The following SPPL3 variants were observed in gnomAD, a reference collection of about 807,000 sequenced individuals.
SPPL3 encodes signal peptide peptidase like 3.
SPPL3 carries 5 observed loss-of-function variants against 42.4 expected under a neutral mutation model. That is an observed-to-expected ratio of 0.12 (90% CI 0.06 to 0.25). The LOEUF (loss-of-function observed/expected upper bound fraction) is 0.25, where lower values mean the gene tolerates loss of function less well. SPPL3 is among the 10% of genes least tolerant of loss of function. The probability of loss-of-function intolerance (pLI) is 1.00; values close to 1 mark genes in which losing one functional copy is unlikely to be tolerated. For synonymous variants in SPPL3, 195 were observed against 181.8 expected, an observed-to-expected ratio of 1.07 and a Z score of -0.58; for missense variants, 235 against 489.0, an observed-to-expected ratio of 0.48 and a Z score of 4.90.
In SPPL3 at chr12:120,903,849, A is replaced by C; in HGVS notation, c.19T>G (p.Ser7Ala). Reference protein sequence around the residue: MAEQTYSWAYSLVDSSQ... With the variant: MAEQTYAWAYSLVDSSQ... ...CTCCCGGAGCCCCGCACTCACCACGAGTAGGTCTGCTCCGCCATGGCGCTG... is the reference window on the plus strand; with the variant it reads ...CTCCCGGAGCCCCGCACTCACCACGCGTAGGTCTGCTCCGCCATGGCGCTG... The change falls in exon 1 of 11, where the codon TCG becomes GCG. Residue 7 changes from serine (S) to alanine (A), a missense_variant. This residue lies in a region of SPPL3 where 110 missense variants were observed against 186.2 expected (regional missense o/e 0.59). Transcript: ENST00000353487. The C allele has an allele frequency of 1.4e-6, 2 of 1,466,272 alleles. No homozygotes were observed. Among genetic ancestry groups the C allele is most frequent in the Non-Finnish European group, 1.8e-6 (2 of 1,114,124 alleles). 90.8% of individuals were successfully genotyped at this position (1,466,272 alleles called of 1,614,324 possible).
rs951637440 is a variant in SPPL3 at position 120,764,306 on chromosome 12, C to T, written c.*693G>A. The stretch of plus-strand genomic sequence containing the variant: ...TTCATTTTTGTTTATTCATATATAT[C>T]TATGTGTGTGTTTATATATATATAT... On this transcript the variant is annotated 3_prime_UTR_variant, in exon 11 of 11. Coordinates refer to ENST00000353487, the MANE Select transcript of SPPL3 (RefSeq NM_139015.5). 3.4e-5 allele frequency: 5 copies of T among 147,064 alleles called. No homozygotes were observed. Among genetic ancestry groups the T allele is most frequent in the Admixed American group, 6.6e-5 (1 of 15,038 alleles). 9.1% of individuals were successfully genotyped at this position (147,064 alleles called of 1,614,324 possible).
At chr12:120,831,673 A>C (rs1190929973) in intron 1 of SPPL3, among the ~76,000 whole-genome samples, 1 of 152,094 alleles carries the variant, frequency 6.6e-6, no homozygotes, top group African/African-American at 2.4e-5. Context: ...CAAAACATGA[A>C]TTGCTTCTCT....
At chr12:120,836,709 C>T (rs1871632813) in intron 1 of SPPL3, among the ~76,000 whole-genome samples, 1 of 152,176 alleles carries the variant, frequency 6.6e-6, no homozygotes, top group Non-Finnish European at 1.5e-5. Flanking sequence ...GTGGGATATG[C>T]TTACAAAAGG....
intron 1 of SPPL3, among the ~76,000 whole-genome samples, chr12:120,819,556 C>A (rs555364967): frequency 1.3e-4 from 20 of 152,190 alleles, no homozygotes; most frequent in African/African-American, 4.8e-4. Flanking sequence ...AAACTATCTG[C>A]CAAATATGCC....
intron 2 of SPPL3, among the ~76,000 whole-genome samples, chr12:120,802,654 G>A (rs1870357317): frequency 6.6e-6 from 1 of 151,612 alleles, no homozygotes; most frequent in Non-Finnish European, 1.5e-5. Flanking sequence ...GGCTGGTCTT[G>A]GAACTCCTGA....
intron 1 of SPPL3, among the ~76,000 whole-genome samples, chr12:120,825,116 A>C (rs1268240890): frequency 6.6e-6 from 1 of 152,102 alleles, no homozygotes. Flanking sequence ...CTAACACCTT[A>C]AACTCATTTA....
At chr12:120,768,639 C>T in intron 7 of SPPL3, 151 bp from the exon 8 acceptor site, 1 of 965,512 alleles carries the variant, frequency 1.0e-6, no homozygotes, top group Non-Finnish European at 1.5e-6. Context: ...TTTGCTCTTC[C>T]TGTGTACTTG....
At position 120,768,946 on chromosome 12, in the gene SPPL3, C is replaced by T. The variant is rs753716314; in HGVS notation, c.609+7G>A. On this transcript the variant is annotated splice_region_variant and intron_variant, in intron 7 of 10. Coordinates refer to ENST00000353487, the MANE Select transcript of SPPL3 (RefSeq NM_139015.5). ...AGGGGAGGAGCTCCAAGGACATAAA[C>T]GCTTACCCAAAAGACATCATAGATG... The T allele has an allele frequency of 1.9e-5, 30 of 1,601,532 alleles. No individual in the cohort carries two copies. The highest frequency in any genetic ancestry group is 3.4e-5 in the Admixed American group (2 of 58,010).
intron 1 of SPPL3, among the ~76,000 whole-genome samples, chr12:120,868,907 T>G (rs1251111913): frequency 6.6e-6 from 1 of 152,196 alleles, no homozygotes. Context: ...CCATAGCGAC[T>G]GCTATAATTC....
intron 2 of SPPL3, among the ~76,000 whole-genome samples, chr12:120,792,215 A>C (rs1290683713): frequency 6.6e-6 from 1 of 152,204 alleles, no homozygotes; most frequent in Non-Finnish European, 1.5e-5. Context: ...GGCCTCACTG[A>C]CAGTGACTTC....
At chr12:120,867,936 G>C (rs1314481060) in intron 1 of SPPL3, among the ~76,000 whole-genome samples, 1 of 151,826 alleles carries the variant, frequency 6.6e-6, no homozygotes, top group Non-Finnish European at 1.5e-5. Flanking sequence ...TTGTAGAGAC[G>C]GGGTTTCACC....
intron 1 of SPPL3, among the ~76,000 whole-genome samples, chr12:120,884,382 G>C (rs556631560): frequency 4.6e-5 from 7 of 152,128 alleles, no homozygotes; most frequent in African/African-American, 1.4e-4. Flanking sequence ...GTATAAACCT[G>C]TTCCTGCTTT....
chr12:120,852,777 A>ACATACATG (rs1307530615), intron 1 of SPPL3, among the ~76,000 whole-genome samples: 1 of 137,044 alleles, frequency 7.3e-6, no homozygotes, highest in Non-Finnish European at 1.6e-5. Context: ...TATTATATAT[A>ACATACATG]AAATATATTT....
chr12:120,765,230 C>T (rs1304045437), intron 10 of SPPL3, among the ~76,000 whole-genome samples, 160 bp from the exon 11 acceptor site: 2 of 151,330 alleles, frequency 1.3e-5, no homozygotes, highest in Non-Finnish European at 2.9e-5. Flanking sequence ...TCTCCTGCCT[C>T]GACCTTCCAA....
rs1240041637 is a variant in SPPL3 at position 120,791,567 on chromosome 12, A to G, written c.102-10T>C. 1.3e-6 allele frequency: 2 copies of G among 1,580,266 alleles called. No homozygotes were observed. Among genetic ancestry groups the G allele is most frequent in the Non-Finnish European group, 1.7e-6 (2 of 1,165,666 alleles). On this transcript the variant is annotated splice_polypyrimidine_tract_variant and intron_variant, in intron 2 of 10. Coordinates refer to ENST00000353487, the MANE Select transcript of SPPL3 (RefSeq NM_139015.5). The stretch of plus-strand genomic sequence containing the variant: ...GTCCATATTAAGGGACCTGTGGAAA[A>G]AAATTTTGTAGTTAAGTTGTAGTTT...
intron 6 of SPPL3, among the ~76,000 whole-genome samples, chr12:120,775,492 C>G (rs964872105): frequency 1.3e-4 from 20 of 152,162 alleles, no homozygotes; most frequent in Non-Finnish European, 2.6e-4. Flanking sequence ...TGTTAGATTT[C>G]TGGCCCTAAA....
At chr12:120,848,375 C>T (rs2137031870) in intron 1 of SPPL3, among the ~76,000 whole-genome samples, 1 of 152,268 alleles carries the variant, frequency 6.6e-6, no homozygotes, top group East Asian at 1.9e-4. Context: ...GAGTTATTCT[C>T]ACAATCACAG....
intron 1 of SPPL3, among the ~76,000 whole-genome samples, chr12:120,873,640 T>C (rs1872994328): frequency 6.6e-6 from 1 of 152,080 alleles, no homozygotes. Context: ...TTTGGGAGGC[T>C]GAGGTGGGTG....
chr12:120,880,030 T>C (rs970565613), intron 1 of SPPL3, among the ~76,000 whole-genome samples: 2 of 151,676 alleles, frequency 1.3e-5, no homozygotes, highest in African/African-American at 4.9e-5. Context: ...TCCTACTTGA[T>C]TTTCTTTTAA....
Sources: gnomAD v4.1 joint callset for allele counts (sites outside exome capture counted in the v4.1 genomes callset) on GRCh38, gnomAD v4.1.1 for gene constraint, gnomAD v4.1.1 regional missense constraint, MANE v1.5 for transcripts, NCBI Gene and HGNC (gene_info 2026-07-23, HGNC 2026-07-21) for gene names.